BRD4: variants seen among roughly 807,000 people sequenced by gnomAD.
BRD4 encodes the protein bromodomain-containing protein 4.
In BRD4, 16 loss-of-function variants were observed where a neutral mutation model predicts 142.1. That is an observed-to-expected ratio of 0.11 (90% CI 0.08 to 0.17). The LOEUF is 0.17. Ranked by LOEUF, BRD4 falls within the 10% of genes least tolerant of loss-of-function variation. The probability of loss-of-function intolerance (pLI) is 1.00; values close to 1 mark genes in which losing one functional copy is unlikely to be tolerated. For missense variants in BRD4, 1,424 were observed against 1,810.9 expected (o/e 0.79, Z 3.88); for synonymous variants, 833 against 707.5 (o/e 1.18, Z -2.82).
intron 1 of BRD4, among the ~76,000 whole-genome samples, chr19:15,313,836 T>C (rs919167519): frequency 6.6e-6 from 1 of 152,130 alleles, no homozygotes; most frequent in Non-Finnish European, 1.5e-5. Context: ...GTGTGCATCA[T>C]CCACCTTGCT....
intron 1 of BRD4, among the ~76,000 whole-genome samples, chr19:15,282,651 T>TGTGAAGGGCA (rs1213753834): frequency 1.3e-5 from 2 of 152,250 alleles, no homozygotes; most frequent in Non-Finnish European, 2.9e-5. Context: ...TCCCACTGAC[T>TGTGAAGGGCA]CAGCTGTGCC....
intron 11 of BRD4, chr19:15,253,730 G>A (rs1362734485): frequency 6.3e-7 from 1 of 1,598,466 alleles, no homozygotes; most frequent in Admixed American, 1.7e-5. Context: ...CACTGCACGT[G>A]ACTGTGATAC....
intron 1 of BRD4, among the ~76,000 whole-genome samples, chr19:15,291,798 A>G (rs1351682969): frequency 6.6e-6 from 1 of 152,214 alleles, no homozygotes. Context: ...TACATATGTA[A>G]AAGAGCAGCT....
rs780461075 is a variant in BRD4 at position 15,238,720 on chromosome 19, C to T, written c.4020+23G>A. ...CAGGAGCTAATCCTTAGACCAGGGT[C>T]CCCACCAGGCCTCCAGACTCACGGC... is the stretch of plus-strand genomic sequence containing the variant. On this transcript the variant is annotated intron_variant, in intron 19 of 19. Coordinates refer to ENST00000679869, the MANE Select transcript of BRD4 (RefSeq NM_001379291.1). This position sits in a 1 kb window ranked among gnomAD's most constrained non-coding sequence, Gnocchi z 7.2. 1.3e-5 allele frequency: 19 copies of T among 1,491,162 alleles called. No homozygotes were observed. The highest frequency in any genetic ancestry group is 1.7e-5 in the Non-Finnish European group (19 of 1,119,632). 92.4% of individuals were successfully genotyped at this position (1,491,162 alleles called of 1,614,324 possible). A position where few individuals can be genotyped will look rare whatever the true frequency, so the allele number is the denominator to read the frequency against.
intron 1 of BRD4, among the ~76,000 whole-genome samples, chr19:15,326,215 C>T (rs1175462616): frequency 6.8e-6 from 1 of 146,714 alleles, no homozygotes; most frequent in East Asian, 2.0e-4. Flanking sequence ...CTAATCCCAG[C>T]ACTTTGGGAC....
intron 1 of BRD4, among the ~76,000 whole-genome samples, chr19:15,285,479 C>T (rs1410679304): frequency 6.6e-6 from 1 of 152,036 alleles, no homozygotes; most frequent in African/African-American, 2.4e-5. Flanking sequence ...GAGGGAGGAT[C>T]GCTTGAGCCT....
chr19:15,326,014 A>AG (rs965887675), intron 1 of BRD4, among the ~76,000 whole-genome samples: 1 of 150,760 alleles, frequency 6.6e-6, no homozygotes, highest in Admixed American at 6.6e-5. Context: ...AAAAAAAAAA[A>AG]AAAAGAAAGA....
At position 15,237,938 on chromosome 19, in the gene BRD4, C is replaced by G. The variant is rs974380887; in HGVS notation, c.*439G>C. 4 of 241,786 alleles carry G rather than the reference C, an allele frequency of 1.7e-5. No individual in the cohort carries two copies. The highest frequency in any genetic ancestry group is 8.1e-6 in the Non-Finnish European group (1 of 123,962). The allele number at this position is 241,786 out of a possible 1,614,324, so 15.0% of individuals were successfully genotyped here. A position where few individuals can be genotyped will look rare whatever the true frequency, so the allele number is the denominator to read the frequency against. ...GCCCTGGCCTCCTGGGAGCGGGCGG[C>G]GATGGCTGGGGTGTGGGGAAAGACT... is the stretch of plus-strand genomic sequence containing the variant. On this transcript the variant is annotated 3_prime_UTR_variant, in exon 20 of 20. Transcript: ENST00000679869.
chr19:15,324,762 G>C (rs28658229), intron 1 of BRD4, among the ~76,000 whole-genome samples: 1,658 of 152,286 alleles, frequency 0.011, 36 homozygotes, highest in African/African-American at 0.038. Context: ...GATACACTGA[G>C]CCAGCTTCCC....
intron 1 of BRD4, among the ~76,000 whole-genome samples, chr19:15,300,716 C>A (rs1320627033): frequency 6.6e-6 from 1 of 152,016 alleles, no homozygotes; most frequent in East Asian, 1.9e-4. Context: ...CAAATCACAG[C>A]CACACTGATA....
chr19:15,280,849 C>T (rs1030316004), intron 1 of BRD4, among the ~76,000 whole-genome samples: 1 of 152,184 alleles, frequency 6.6e-6, no homozygotes, highest in African/African-American at 2.4e-5. Flanking sequence ...GGATGAGGGA[C>T]CCTGACTGGT....
At chr19:15,304,373 G>GA (rs1426296214) in intron 1 of BRD4, among the ~76,000 whole-genome samples, 4 of 152,184 alleles carry the variant, frequency 2.6e-5, no homozygotes, top group Non-Finnish European at 5.9e-5. Flanking sequence ...GCTGTGCCTG[G>GA]AATCAGCCTT....
At chr19:15,274,384 G>C (rs1202439584) in intron 1 of BRD4, among the ~76,000 whole-genome samples, 1 of 152,176 alleles carries the variant, frequency 6.6e-6, no homozygotes, top group Non-Finnish European at 1.5e-5. Context: ...CAAGGGGAGG[G>C]GAGGCCTAAA....
At chr19:15,319,209 C>T (rs1387390073) in intron 1 of BRD4, among the ~76,000 whole-genome samples, 3 of 152,060 alleles carry the variant, frequency 2.0e-5, no homozygotes, top group Admixed American at 6.6e-5. Flanking sequence ...GTGCCTCACA[C>T]CTGTAATCTC....
At chr19:15,257,524 A>C (rs1019716924) in intron 7 of BRD4, among the ~76,000 whole-genome samples, 3 of 152,154 alleles carry the variant, frequency 2.0e-5, no homozygotes, top group Admixed American at 2.0e-4. Flanking sequence ...GCATCCTCAA[A>C]CCCCAAAACA....
chr19:15,276,326 G>C (rs1340193082), intron 1 of BRD4, among the ~76,000 whole-genome samples: 1 of 152,146 alleles, frequency 6.6e-6, no homozygotes. Context: ...TTTGATATGA[G>C]GTCAGCCTCC....
chr19:15,246,025 T>G (rs1403248150), intron 11 of BRD4, among the ~76,000 whole-genome samples: 1 of 152,078 alleles, frequency 6.6e-6, no homozygotes, highest in Non-Finnish European at 1.5e-5. Context: ...AGCTCACCAC[T>G]CCACGCCAGA....
In BRD4 at chr19:15,302,668, CAAAAAAAAAAA is replaced by C. The variant is rs572714842; in HGVS notation, c.-34-29546_-34-29536del. 2.1e-4 allele frequency among the ~76,000 whole-genome samples: 12 copies of C among 56,786 alleles called. No homozygotes were observed. In the East Asian group the frequency reaches 2.6e-3, roughly 12 times the overall value. The allele number at this position is 56,786 out of a possible 152,430, so 37.3% of individuals were successfully genotyped here. A position where few individuals can be genotyped will look rare whatever the true frequency, so the allele number is the denominator to read the frequency against. Reference sequence around the variant, plus strand: ...TGGACAACTGAGCAAGACTCCGACTCAAAAAAAAAAAAAAAAAAAAAAAAAAGGATTAAAAA... The same window carrying C: ...TGGACAACTGAGCAAGACTCCGACTCAAAAAAAAAAAAAAAGGATTAAAAA... On this transcript the variant is annotated intron_variant, in intron 1 of 19. Coordinates refer to ENST00000679869, the MANE Select transcript of BRD4 (RefSeq NM_001379291.1).
At chr19:15,248,025 T>C (rs563055203) in intron 11 of BRD4, 50 of 217,146 alleles carry the variant, frequency 2.3e-4, no homozygotes, top group Admixed American at 4.1e-4. Context: ...CCCATGGTGA[T>C]AGCCCACTTC....
Sources: allele counts gnomAD v4.1 joint callset (sites outside exome capture counted in the v4.1 genomes callset), GRCh38; gene constraint gnomAD v4.1.1; non-coding constraint Gnocchi (gnomAD v3.1); transcripts MANE v1.5; gene names NCBI Gene and HGNC (gene_info 2026-07-23, HGNC 2026-07-21).